The following PNISR variants were observed in gnomAD, a reference collection of about 807,000 sequenced individuals.
The protein encoded by PNISR is arginine/serine-rich protein PNISR.
A neutral mutation model predicts 93.4 loss-of-function variants in PNISR; 20 were observed. That is an observed-to-expected ratio of 0.21 (90% CI 0.15 to 0.31). The LOEUF (loss-of-function observed/expected upper bound fraction) is 0.31. PNISR is among the 10% of genes least tolerant of loss of function. PNISR has a pLI of 1.00. For synonymous variants in PNISR, 305 were observed against 306.5 expected, an observed-to-expected ratio of 0.99 and a Z score of 0.05; for missense variants, 893 against 985.4, an observed-to-expected ratio of 0.91 and a Z score of 1.25.
chr6:99,410,949 T>C lies in PNISR; in HGVS notation c.293A>G (p.Gln98Arg). 5 of 1,612,104 alleles carry C rather than the reference T, an allele frequency of 3.1e-6. No individual in the cohort carries two copies. The highest frequency in any genetic ancestry group is 4.2e-6 in the Non-Finnish European group (5 of 1,178,218). ...RMWQPEWGMH[Q>R]QPPHPPPDQP... Reference sequence around the variant, plus strand: ...ATCTGGAGGGGGGTGTGGGGGTTGCTGATGCATTCCCCATTCTATTTAAGA... The same window carrying C: ...ATCTGGAGGGGGGTGTGGGGGTTGCCGATGCATTCCCCATTCTATTTAAGA... The change falls in exon 5 of 12, where the codon CAG (glutamine) becomes CGG (arginine). Residue 98 changes from glutamine to arginine, a missense_variant. Around this residue, in one of 3 missense-constraint regions of PNISR, gnomAD observed 866 missense variants for 935.1 expected, o/e 0.93. Coordinates refer to ENST00000369239, the MANE Select transcript of PNISR (RefSeq NM_032870.4).
At chr6:99,424,971 G>A (rs769312964) in intron 1 of PNISR, 2 of 352,882 alleles carry the variant, frequency 5.7e-6, no homozygotes, top group Non-Finnish European at 1.0e-5. Context: ...TCGTCCGAGA[G>A]GAAACTCTGT....
At chr6:99,405,797 T>C (rs968206817) in intron 8 of PNISR, among the ~76,000 whole-genome samples, 16 of 152,122 alleles carry the variant, frequency 1.1e-4, no homozygotes, top group Admixed American at 3.3e-4. Context: ...ACTCAAGCAA[T>C]CCTCCTGCCT....
intron 7 of PNISR, 88 bp from the exon 8 acceptor site, chr6:99,406,256 T>C: frequency 1.4e-6 from 1 of 726,544 alleles, no homozygotes. Context: ...AACCCCAAAT[T>C]AAAAAGTCTA....
chr6:99,404,642 A>G lies in PNISR; in HGVS notation c.1063T>C (p.Tyr355His). ...CGGTGTGCATCTTTGGCTACGTAAT[A>G]AATTTCTTCATCTGTGACATCCAGC... is the stretch of plus-strand genomic sequence containing the variant. Reference protein sequence around the residue: ...ILLDVTDEEIYYVAKDAHRKA... With the variant: ...ILLDVTDEEIHYVAKDAHRKA... The change falls in exon 9 of 12, where the codon TAT (tyrosine) becomes CAT (histidine). Residue 355 changes from tyrosine (Y) to histidine (H), a missense_variant. Tyr to His is a moderately conservative substitution (Grantham distance 83, BLOSUM62 2). Coordinates refer to ENST00000369239, the MANE Select transcript of PNISR (RefSeq NM_032870.4). 2.5e-6 allele frequency: 4 copies of G among 1,607,976 alleles called. No individual in the cohort carries two copies. Among genetic ancestry groups the G allele is most frequent in the Non-Finnish European group, 8.5e-7 (1 of 1,174,436 alleles).
rs573920729 is a variant in PNISR at position 99,398,565 on chromosome 6, G to A, written c.*1975C>T. ...AACTACAGACTTAACTGATAAGCTTGCAAATTACGGCAGAGTAAATAAAAC... is the reference window on the plus strand; with the variant it reads ...AACTACAGACTTAACTGATAAGCTTACAAATTACGGCAGAGTAAATAAAAC... On this transcript the variant is annotated 3_prime_UTR_variant, in exon 12 of 12. Transcript: ENST00000369239. 2 of 152,188 alleles carry A rather than the reference G, an allele frequency of 1.3e-5. No individual in the cohort carries two copies. Among genetic ancestry groups the A allele is most frequent in the South Asian group, 4.1e-4 (2 of 4,828 alleles). 9.4% of individuals were successfully genotyped at this position (152,188 alleles called of 1,614,324 possible).
intron 4 of PNISR, 47 bp downstream of exon 4, chr6:99,412,504 T>A (rs370238725): frequency 1.5e-6 from 2 of 1,313,558 alleles, no homozygotes; most frequent in African/African-American, 2.9e-5. Flanking sequence ...ATAATCTTCA[T>A]TCTGTTTTTT....
At chr6:99,422,229 T>C (rs1778659769) in intron 1 of PNISR, among the ~76,000 whole-genome samples, 1 of 152,170 alleles carries the variant, frequency 6.6e-6, no homozygotes, top group Admixed American at 6.5e-5. Context: ...GGATGAGAAT[T>C]AAAATGTGGT....
intron 5 of PNISR, 122 bp from the exon 6 acceptor site, chr6:99,409,466 G>A: frequency 1.3e-6 from 1 of 779,824 alleles, no homozygotes; most frequent in Non-Finnish European, 2.0e-6. Context: ...GAATTCCATG[G>A]CTCTAATATC....
chr6:99,424,642 A>G (rs2128502280), intron 1 of PNISR, among the ~76,000 whole-genome samples: 1 of 152,382 alleles, frequency 6.6e-6, no homozygotes, highest in Middle Eastern at 3.4e-3. Context: ...CTAGAATGTT[A>G]ATTTAACAAC....
intron 1 of PNISR, among the ~76,000 whole-genome samples, chr6:99,419,593 A>G (rs1328996714): frequency 2.0e-5 from 3 of 152,336 alleles, no homozygotes; most frequent in East Asian, 1.9e-4. Context: ...TCTAAATCCT[A>G]TAAGAAAATG....
Position 99,404,598 on chromosome 6 carries a change from T to C in PNISR, c.1102+5A>G, listed in dbSNP as rs998469376. The C allele has an allele frequency of 2.6e-6, 4 of 1,528,678 alleles. No homozygotes were observed. In the African/African-American group the frequency reaches 5.5e-5, roughly 21 times the overall value. The allele number at this position is 1,528,678 out of a possible 1,614,324, so 94.7% of individuals were successfully genotyped here. On this transcript the variant is annotated splice_donor_5th_base_variant and intron_variant, in intron 9 of 11. Coordinates refer to ENST00000369239, the MANE Select transcript of PNISR (RefSeq NM_032870.4). ...AAAAGCAAAACCAGAAACACCAAAATATACCTTTCGTTGCTTTGCGGTGTG... is the reference window on the plus strand; with the variant it reads ...AAAAGCAAAACCAGAAACACCAAAACATACCTTTCGTTGCTTTGCGGTGTG...
At chr6:99,410,163 C>G (rs1390416811) in intron 5 of PNISR, 1 of 152,072 alleles carries the variant, frequency 6.6e-6, no homozygotes, top group Non-Finnish European at 1.5e-5. Flanking sequence ...AAGGGTAGAC[C>G]CTGGCAGAGG....
In PNISR at chr6:99,404,676, T is replaced by C. The variant is rs765288933; in HGVS notation, c.1029A>G (p.Thr343=). The C allele has an allele frequency of 4.6e-5, 73 of 1,599,142 alleles. No individual in the cohort carries two copies. In the South Asian group the frequency reaches 7.7e-4, roughly 17 times the overall value. The change falls in exon 9 of 12, where the codon ACA becomes ACG. Residue 343 remains threonine, a synonymous_variant. Transcript: ENST00000369239. ...CATCTGTGACATCCAGCAGAATTTC[T>C]GTTAGAAGCATTTTTGTCAGCAACA... ...QMMLLTKMLL[T]EILLDVTDEE... is the part of the protein sequence containing the mutation.
chr6:99,413,945 G>C (rs1308834944), intron 3 of PNISR, among the ~76,000 whole-genome samples: 2 of 152,134 alleles, frequency 1.3e-5, no homozygotes, highest in African/African-American at 4.8e-5. Context: ...GTTTCAAAAA[G>C]TGAAAAACTT....
intron 5 of PNISR, chr6:99,410,342 A>G: frequency 5.8e-6 from 1 of 172,316 alleles, no homozygotes; most frequent in South Asian, 1.4e-4. Flanking sequence ...ACATAGCACA[A>G]GGAATTACAC....
At position 99,404,654 on chromosome 6, in the gene PNISR, C is replaced by G; in HGVS notation, c.1051G>C (p.Asp351His). Reference protein sequence around the residue: ...LLTEILLDVTDEEIYYVAKDA... With the variant: ...LLTEILLDVTHEEIYYVAKDA... ...TTGGCTACGTAATAAATTTCTTCAT[C>G]TGTGACATCCAGCAGAATTTCTGTT... The change falls in exon 9 of 12, where the codon GAT becomes CAT. Residue 351 changes from aspartate to histidine, a missense_variant. Around this residue, in one of 3 missense-constraint regions of PNISR, gnomAD observed 866 missense variants for 935.1 expected, o/e 0.93. Coordinates refer to ENST00000369239, the MANE Select transcript of PNISR (RefSeq NM_032870.4). 1 of 1,607,400 alleles carries G rather than the reference C, an allele frequency of 6.2e-7. No homozygotes were observed. The highest frequency in any genetic ancestry group is 2.2e-5 in the East Asian group (1 of 44,818).
chr6:99,400,713 T>C lies in PNISR; in HGVS notation c.2245A>G (p.Lys749Glu). Residue 749 changes from lysine to glutamate, a missense_variant, in exon 12 of 12, where the codon AAA becomes GAA. By Grantham distance (56) the Lys-to-Glu change is moderately conservative. This residue lies in a region of PNISR where 866 missense variants were observed against 935.1 expected (regional missense o/e 0.93). Coordinates refer to ENST00000369239, the MANE Select transcript of PNISR (RefSeq NM_032870.4). Reference protein sequence around the residue: ...DSKKSTTKDSKKHSGSDSSGR... With the variant: ...DSKKSTTKDSEKHSGSDSSGR... The stretch of plus-strand genomic sequence containing the variant: ...CTAGAATCAGAGCCTGAATGTTTTT[T>C]ACTATCTTTGGTAGTACTTTTCTTA... 6.2e-7 allele frequency: 1 copy of C among 1,613,342 alleles called. No homozygotes were observed. The highest frequency in any genetic ancestry group is 8.5e-7 in the Non-Finnish European group (1 of 1,179,810).
intron 7 of PNISR, 88 bp from the exon 8 acceptor site, chr6:99,406,256 T>A: frequency 1.4e-6 from 1 of 726,540 alleles, no homozygotes; most frequent in Non-Finnish European, 2.1e-6. Flanking sequence ...AACCCCAAAT[T>A]AAAAAGTCTA....
At chr6:99,402,882 C>G (rs1194750856) in intron 10 of PNISR, 172 bp from the exon 11 acceptor site, 1 of 451,962 alleles carries the variant, frequency 2.2e-6, no homozygotes, top group Non-Finnish European at 3.9e-6. Flanking sequence ...GTTCACAGAA[C>G]CTTCAGGCAA....
Sources: gnomAD v4.1 joint callset for allele counts (sites outside exome capture counted in the v4.1 genomes callset) on GRCh38, gnomAD v4.1.1 for gene constraint, gnomAD v4.1.1 regional missense constraint, MANE v1.5 for transcripts, NCBI Gene and HGNC (gene_info 2026-07-23, HGNC 2026-07-21) for gene names.